PTPRD: variants seen among roughly 807,000 people sequenced by gnomAD.
The protein encoded by PTPRD is protein tyrosine phosphatase receptor type D.
Under a neutral mutation model 214.5 loss-of-function variants are expected in PTPRD, and 34 were observed. That is an observed-to-expected ratio of 0.16 (90% CI 0.12 to 0.21). PTPRD has a LOEUF of 0.21. Among genes scored for constraint, PTPRD ranks in the 10% least tolerant of loss-of-function variants. PTPRD has a pLI of 1.00. For synonymous variants in PTPRD, 1,128 were observed against 845.7 expected, an observed-to-expected ratio of 1.33 and a Z score of -5.79; for missense variants, 2,545 against 2,398.7, an observed-to-expected ratio of 1.06 and a Z score of -1.27.
chr9:8,875,656 CTT>C, intron 11 of PTPRD, among the ~76,000 whole-genome samples: 1 of 152,236 alleles, frequency 6.6e-6, no homozygotes, highest in East Asian at 1.9e-4. Context: ...TATGGATGCT[CTT>C]GTATATTATT....
chr9:8,589,322 A>G (rs932903246), intron 14 of PTPRD, among the ~76,000 whole-genome samples: 10 of 152,162 alleles, frequency 6.6e-5, no homozygotes, highest in Non-Finnish European at 8.8e-5. Context: ...CATCTCATAC[A>G]ATAACATTTA....
chr9:8,781,195 G>T (rs925958918), intron 11 of PTPRD, among the ~76,000 whole-genome samples: 1 of 152,124 alleles, frequency 6.6e-6, no homozygotes, highest in African/African-American at 2.4e-5. Flanking sequence ...ACAAGAAAGA[G>T]AATTTATCAT....
At chr9:9,370,373 A>T (rs1445813526) in intron 9 of PTPRD, among the ~76,000 whole-genome samples, 1 of 151,996 alleles carries the variant, frequency 6.6e-6, no homozygotes, top group Non-Finnish European at 1.5e-5. Context: ...CTTTGAAGCA[A>T]CTGTGAATGG....
At chr9:10,079,595 C>A (rs1427858517) in intron 3 of PTPRD, among the ~76,000 whole-genome samples, 3 of 152,072 alleles carry the variant, frequency 2.0e-5, no homozygotes, top group African/African-American at 7.2e-5. Flanking sequence ...GGCCCTGCTG[C>A]TAATTCTATG....
At chr9:10,554,801 C>T (rs2062113041) in intron 2 of PTPRD, among the ~76,000 whole-genome samples, 1 of 152,152 alleles carries the variant, frequency 6.6e-6, no homozygotes, top group African/African-American at 2.4e-5. Context: ...GCTGGGACTA[C>T]AGGCGCCCGC....
At chr9:9,439,281 C>T (rs1015625042) in intron 8 of PTPRD, among the ~76,000 whole-genome samples, 1 of 152,026 alleles carries the variant, frequency 6.6e-6, no homozygotes, top group African/African-American at 2.4e-5. Flanking sequence ...TAGGGTACAG[C>T]ACCCCACTTA....
At chr9:10,466,310 A>G (rs2131505720) in intron 2 of PTPRD, among the ~76,000 whole-genome samples, 1 of 152,236 alleles carries the variant, frequency 6.6e-6, no homozygotes, top group East Asian at 1.9e-4. Flanking sequence ...TCTCTCAATT[A>G]TTTGAAGATA....
intron 35 of PTPRD, among the ~76,000 whole-genome samples, chr9:8,409,306 G>C (rs2093325034): frequency 6.6e-6 from 1 of 152,054 alleles, no homozygotes; most frequent in Non-Finnish European, 1.5e-5. Context: ...GGCCAGGCTG[G>C]GGGTCCACAT....
rs144520778 is a variant in PTPRD, at chr9:10,250,418, G to A, written c.-545+90545C>T. Among the ~76,000 whole-genome samples the A allele has an allele frequency of 6.2e-4, 95 of 152,042 alleles. 1 individual carries two copies. The East Asian group carries it at 0.016, about 26-fold the overall frequency. Reference sequence around the variant, plus strand: ...ACAAGATGTACTGGAACCAAATTTCGCAATGTCAGAAAGCCTAGAAAGTCT... The same window carrying A: ...ACAAGATGTACTGGAACCAAATTTCACAATGTCAGAAAGCCTAGAAAGTCT... On this transcript the variant is annotated intron_variant, in intron 3 of 45. Transcript: ENST00000381196.
At chr9:8,437,279 C>T (rs2095390741) in intron 34 of PTPRD, 2 of 1,374,152 alleles carry the variant, frequency 1.5e-6, no homozygotes, top group South Asian at 1.4e-5. Flanking sequence ...TAAAATAGAA[C>T]AAATTCTTCA....
chr9:8,863,043 G>A (rs2098133656), intron 11 of PTPRD, among the ~76,000 whole-genome samples: 1 of 151,910 alleles, frequency 6.6e-6, no homozygotes. Context: ...ATGTGTACAT[G>A]TACCCTAAAA....
chr9:9,138,263 A>G (rs139344722), intron 10 of PTPRD, among the ~76,000 whole-genome samples: 1 of 152,112 alleles, frequency 6.6e-6, no homozygotes, highest in African/African-American at 2.4e-5. Context: ...CAGCTTTATC[A>G]TCTCCTAAAT....
At chr9:10,595,909 G>A (rs113495003) in intron 2 of PTPRD, among the ~76,000 whole-genome samples, 6 of 151,632 alleles carry the variant, frequency 4.0e-5, no homozygotes, top group Non-Finnish European at 7.4e-5. Flanking sequence ...CAAAGACTGC[G>A]ATCTAAAAGA....
intron 2 of PTPRD, among the ~76,000 whole-genome samples, chr9:10,361,062 A>G (rs2097376884): frequency 6.6e-6 from 1 of 152,176 alleles, no homozygotes; most frequent in Admixed American, 6.5e-5. Flanking sequence ...AGATGGAGCC[A>G]CTGCACTCCA....
At chr9:10,482,123 G>A (rs536841961) in intron 2 of PTPRD, among the ~76,000 whole-genome samples, 2 of 152,260 alleles carry the variant, frequency 1.3e-5, no homozygotes, top group East Asian at 3.9e-4. Context: ...TGTAATCCCA[G>A]CATTTTGGGA....
intron 7 of PTPRD, among the ~76,000 whole-genome samples, chr9:9,615,309 C>A (rs560054194): frequency 6.6e-6 from 1 of 152,174 alleles, no homozygotes; most frequent in Non-Finnish European, 1.5e-5. Context: ...TTGCACTTCA[C>A]ACCGGCCACC....
At chr9:10,411,176 AC>A (rs1254043951) in intron 2 of PTPRD, among the ~76,000 whole-genome samples, 5 of 151,750 alleles carry the variant, frequency 3.3e-5, no homozygotes, top group South Asian at 4.1e-4. Flanking sequence ...TTCTAAGTGA[AC>A]TTCTAAGGCT....
At chr9:8,675,673 A>G (rs1047224133) in intron 12 of PTPRD, among the ~76,000 whole-genome samples, 6 of 151,980 alleles carry the variant, frequency 3.9e-5, no homozygotes, top group Admixed American at 3.9e-4. Flanking sequence ...CATTCCAGTT[A>G]CTAAGCTTGT....
intron 10 of PTPRD, among the ~76,000 whole-genome samples, chr9:9,140,916 C>A (rs968561881): frequency 3.9e-5 from 6 of 152,106 alleles, no homozygotes; most frequent in African/African-American, 4.8e-5. Context: ...ATTTCTTTTT[C>A]TTCCTGGGAA....
Sources: allele counts gnomAD v4.1 joint callset (sites outside exome capture counted in the v4.1 genomes callset), GRCh38; gene constraint gnomAD v4.1.1; transcripts MANE v1.5; gene names NCBI Gene and HGNC (gene_info 2026-07-23, HGNC 2026-07-21).